The following PRKDC variants were observed in gnomAD, a reference collection of about 807,000 sequenced individuals.
PRKDC encodes protein kinase, DNA-activated, catalytic subunit.
PRKDC carries 82 observed loss-of-function variants against 486.9 expected under a neutral mutation model. The ratio of observed to expected loss-of-function variants is 0.17; its 90% CI spans 0.14 to 0.20. PRKDC has a LOEUF of 0.20. Among genes scored for constraint, PRKDC ranks in the 10% least tolerant of loss-of-function variants. The probability of loss-of-function intolerance (pLI) is 1.00; values close to 1 mark genes in which losing one functional copy is unlikely to be tolerated. For synonymous variants in PRKDC, 1,895 were observed against 1,837.0 expected (o/e 1.03, Z -0.81); for missense variants, 4,504 against 5,038.2 (o/e 0.89, Z 3.21).
Position 47,834,320 on chromosome 8 carries a change from G to A in PRKDC, c.8028C>T (p.Asp2676=). 6.2e-7 allele frequency: 1 copy of A among 1,614,040 alleles called. No homozygotes were observed. The highest frequency in any genetic ancestry group is 8.5e-7 in the Non-Finnish European group (1 of 1,179,902). The change falls in exon 59 of 86, where the codon GAC becomes GAT. Residue 2676 remains aspartate (D), a synonymous_variant. Transcript: ENST00000314191. ...PLVDHTSPSS[D]SLLFAHKRSE... ...TCCTCTTGTGGGCAAACAGCAAGGAGTCAGATGAGGGACTGGTGTGGTCGA... is the reference window on the plus strand; with the variant it reads ...TCCTCTTGTGGGCAAACAGCAAGGAATCAGATGAGGGACTGGTGTGGTCGA...
chr8:47,809,887 G>T (rs2087294622), intron 68 of PRKDC, among the ~76,000 whole-genome samples: 1 of 152,176 alleles, frequency 6.6e-6, no homozygotes, highest in South Asian at 2.1e-4. Flanking sequence ...TGCCCCTGTG[G>T]AGTGTGGTGG....
intron 43 of PRKDC, 88 bp from the exon 44 acceptor site, chr8:47,862,215 C>CAT: frequency 7.2e-7 from 1 of 1,392,360 alleles, no homozygotes; most frequent in South Asian, 1.3e-5. Context: ...TATGTAATAG[C>CAT]TCATGGAAAA....
chr8:47,959,589 G>T (rs1287836988), intron 1 of PRKDC, among the ~76,000 whole-genome samples: 2 of 151,762 alleles, frequency 1.3e-5, no homozygotes, highest in Admixed American at 1.3e-4. Context: ...TGAGGCAGGA[G>T]AATAGCTTGA....
At chr8:47,800,305 G>A (rs2087076742) in intron 71 of PRKDC, among the ~76,000 whole-genome samples, 1 of 152,072 alleles carries the variant, frequency 6.6e-6, no homozygotes, top group African/African-American at 2.4e-5. Context: ...CATGTCCTTT[G>A]TAGGGACATG....
chr8:47,780,255 C>T (rs1462528918), intron 80 of PRKDC, among the ~76,000 whole-genome samples: 5 of 152,212 alleles, frequency 3.3e-5, no homozygotes, highest in African/African-American at 1.2e-4. Context: ...GGTAGATATA[C>T]ACACAATCCA....
chr8:47,834,301 T>G lies in PRKDC; in HGVS notation c.8047A>C (p.Lys2683Gln). Residue 2683 changes from lysine to glutamine, a missense_variant, in exon 59 of 86, where the codon AAG becomes CAG. Physicochemically the swap from Lys to Gln is moderately conservative, Grantham distance 53. Coordinates refer to ENST00000314191, the MANE Select transcript of PRKDC (RefSeq NM_006904.7). ...PSSDSLLFAH[K>Q]RSERLQRAPL... ...GCTCTCTGTAACCTTTCACTCCTCT[T>G]GTGGGCAAACAGCAAGGAGTCAGAT... The G allele has an allele frequency of 3.1e-6, 5 of 1,614,022 alleles. No individual in the cohort carries two copies. The highest frequency in any genetic ancestry group is 3.4e-6 in the Non-Finnish European group (4 of 1,179,900).
At chr8:47,956,276 C>T (rs560363290) in intron 3 of PRKDC, among the ~76,000 whole-genome samples, 4 of 152,046 alleles carry the variant, frequency 2.6e-5, no homozygotes, top group African/African-American at 4.8e-5. Flanking sequence ...GGAGGAGAAT[C>T]GCTTGAACCC....
chr8:47,783,846 T>C (rs2086742491), intron 77 of PRKDC, 37 bp from the exon 78 acceptor site: 1 of 1,591,844 alleles, frequency 6.3e-7, no homozygotes, highest in Admixed American at 1.7e-5. Flanking sequence ...GAACAGCTTG[T>C]TAGACAACCG....
intron 68 of PRKDC, 100 bp from the exon 69 acceptor site, chr8:47,807,426 C>CTTTTT: frequency 9.9e-7 from 1 of 1,008,638 alleles, no homozygotes; most frequent in Non-Finnish European, 1.4e-6. Flanking sequence ...AATGTTTGTT[C>CTTTTT]TTTTTTTTTT....
Position 47,860,887 on chromosome 8 carries a change from AAAACATCCT to A in PRKDC, c.6058+3_6058+11del. Reference sequence around the variant, plus strand: ...ATTTGAATCCTTTCTCATGATTTTGAAAACATCCTACCTGAATCCCCATTTGCTGCTTCT... The same window carrying A: ...ATTTGAATCCTTTCTCATGATTTTGAACCTGAATCCCCATTTGCTGCTTCT... On this transcript the variant is annotated splice_donor_5th_base_variant and intron_variant, in intron 45 of 85. Coordinates refer to ENST00000314191, the MANE Select transcript of PRKDC (RefSeq NM_006904.7). 1 of 1,592,450 alleles carries A rather than the reference AAAACATCCT, an allele frequency of 6.3e-7. No individual in the cohort carries two copies. The highest frequency in any genetic ancestry group is 8.6e-7 in the Non-Finnish European group (1 of 1,168,290).
At chr8:47,934,189 G>T in intron 14 of PRKDC, 99 bp from the exon 15 acceptor site, 2 of 1,348,622 alleles carry the variant, frequency 1.5e-6, no homozygotes, top group Non-Finnish European at 2.0e-6. Flanking sequence ...AAATTAAACT[G>T]CCACCCATAG....
intron 68 of PRKDC, among the ~76,000 whole-genome samples, chr8:47,813,298 A>G (rs1477900760): frequency 6.6e-6 from 1 of 151,922 alleles, no homozygotes; most frequent in East Asian, 1.9e-4. Flanking sequence ...TTGTATTTTT[A>G]GTAGAGGCAG....
chr8:47,800,248 C>T (rs920080191), intron 71 of PRKDC, among the ~76,000 whole-genome samples: 4 of 151,804 alleles, frequency 2.6e-5, no homozygotes, highest in Non-Finnish European at 5.9e-5. Flanking sequence ...GAAAATGTGG[C>T]ACATATACAC....
At chr8:47,912,325 G>T (rs2089917810) in intron 25 of PRKDC, 85 bp downstream of exon 25, 2 of 1,370,314 alleles carry the variant, frequency 1.5e-6, no homozygotes, top group South Asian at 1.9e-5. Context: ...CCATCTCCAG[G>T]TAATTCCACT....
At chr8:47,923,972 C>T (rs2090115892) in intron 21 of PRKDC, among the ~76,000 whole-genome samples, 1 of 152,178 alleles carries the variant, frequency 6.6e-6, no homozygotes, top group African/African-American at 2.4e-5. Flanking sequence ...GAACTTATTA[C>T]ACACCAAACA....
In PRKDC at chr8:47,860,990, A is replaced by C. The variant is rs368905129; in HGVS notation, c.5986-19T>G. On this transcript the variant is annotated intron_variant, in intron 44 of 85. Transcript: ENST00000314191. ...TAGGAACCTATTGGGAAGAACAAAT[A>C]AACAATGTAAAACATTTTATAATAA... is the stretch of plus-strand genomic sequence containing the variant. 1.4e-6 allele frequency: 2 copies of C among 1,475,576 alleles called. No homozygotes were observed. Among genetic ancestry groups the C allele is most frequent in the Non-Finnish European group, 1.8e-6 (2 of 1,082,512 alleles). The allele number at this position is 1,475,576 out of a possible 1,614,324, so 91.4% of individuals were successfully genotyped here. A position where few individuals can be genotyped will look rare whatever the true frequency, so the allele number is the denominator to read the frequency against.
Position 47,849,308 on chromosome 8 carries a change from CG to C in PRKDC, c.7131-6del. Reference sequence around the variant, plus strand: ...AAGAACACAGCATTCATGAACCTGGCGGGGAAGGGAACTGGTGAGAGGAGGG... The same window carrying C: ...AAGAACACAGCATTCATGAACCTGGCGGGAAGGGAACTGGTGAGAGGAGGG... On this transcript the variant is annotated splice_polypyrimidine_tract_variant and splice_region_variant and intron_variant, in intron 53 of 85. Coordinates refer to ENST00000314191, the MANE Select transcript of PRKDC (RefSeq NM_006904.7). 6.2e-7 allele frequency: 1 copy of C among 1,613,786 alleles called. No individual in the cohort carries two copies. The highest frequency in any genetic ancestry group is 8.5e-7 in the Non-Finnish European group (1 of 1,179,812).
chr8:47,954,169 G>A (rs1339556605), intron 5 of PRKDC, among the ~76,000 whole-genome samples, 169 bp downstream of exon 5: 1 of 152,068 alleles, frequency 6.6e-6, no homozygotes, highest in East Asian at 1.9e-4. Context: ...TTTTTGTGAA[G>A]GGAAGTCTTC....
chr8:47,887,109 C>T (rs1449292358), intron 35 of PRKDC, among the ~76,000 whole-genome samples: 1 of 152,160 alleles, frequency 6.6e-6, no homozygotes, highest in African/African-American at 2.4e-5. Context: ...ATTTCAGCTA[C>T]AGCAGGGACT....
Sources: gnomAD v4.1 joint callset for allele counts (sites outside exome capture counted in the v4.1 genomes callset) on GRCh38, gnomAD v4.1.1 for gene constraint, MANE v1.5 for transcripts, NCBI Gene and HGNC (gene_info 2026-07-23, HGNC 2026-07-21) for gene names.